The following CTNNA2 variants were observed in gnomAD, a reference collection of about 807,000 sequenced individuals.
CTNNA2 encodes catenin alpha 2.
In CTNNA2, 42 loss-of-function variants were observed where a neutral mutation model predicts 101.0. The observed-to-expected ratio is 0.42, with a 90% CI of 0.32 to 0.54. The LOEUF (loss-of-function observed/expected upper bound fraction) is 0.54. Among genes scored for constraint, CTNNA2 ranks in the 20% least tolerant of loss-of-function variants. CTNNA2 has a pLI of 0.14. For missense variants in CTNNA2, 871 were observed against 1,223.1 expected, an observed-to-expected ratio of 0.71 and a Z score of 4.29; for synonymous variants, 450 against 456.4, an observed-to-expected ratio of 0.99 and a Z score of 0.18.
chr2:80,146,714 T>TTTG (rs1558851255), intron 7 of CTNNA2, among the ~76,000 whole-genome samples: 3 of 70,320 alleles, frequency 4.3e-5, no homozygotes, highest in Non-Finnish European at 7.4e-5. Context: ...CCTCTGGTTT[T>TTTG]TTTTTTTTTT....
intron 4 of CTNNA2, among the ~76,000 whole-genome samples, chr2:79,503,235 G>T (rs1245168880): frequency 6.6e-6 from 1 of 152,098 alleles, no homozygotes; most frequent in Non-Finnish European, 1.5e-5. Flanking sequence ...AGGCACAAGG[G>T]AAAATGGTTG....
intron 3 of CTNNA2, among the ~76,000 whole-genome samples, chr2:79,818,205 T>C (rs1286860708): frequency 6.6e-6 from 1 of 152,194 alleles, no homozygotes; most frequent in Non-Finnish European, 1.5e-5. Context: ...TTGTTCACTT[T>C]CATATTATTC....
At chr2:80,331,662 C>T (rs1469305641) in intron 7 of CTNNA2, among the ~76,000 whole-genome samples, 11 of 152,138 alleles carry the variant, frequency 7.2e-5, no homozygotes, top group Admixed American at 7.2e-4. Flanking sequence ...TATTCCCGAG[C>T]AATGATGACC....
chr2:79,518,933 A>G (rs1055908321), intron 1 of CTNNA2, among the ~76,000 whole-genome samples: 2 of 152,068 alleles, frequency 1.3e-5, no homozygotes, highest in Non-Finnish European at 2.9e-5. Flanking sequence ...ACAAGACTCA[A>G]ATTTCCTGGG....
chr2:80,150,742 C>G (rs1703647423), intron 7 of CTNNA2, among the ~76,000 whole-genome samples: 1 of 152,248 alleles, frequency 6.6e-6, no homozygotes. Flanking sequence ...CAGAAGTATG[C>G]AATGCTAGAA....
At chr2:79,793,855 A>G (rs1245259698) in intron 3 of CTNNA2, among the ~76,000 whole-genome samples, 1 of 149,608 alleles carries the variant, frequency 6.7e-6, no homozygotes, top group African/African-American at 2.5e-5. Context: ...TCTTTTTCCA[A>G]CTTTCCCCAA....
chr2:79,715,483 G>C (rs1686031377), intron 2 of CTNNA2, among the ~76,000 whole-genome samples: 1 of 152,098 alleles, frequency 6.6e-6, no homozygotes, highest in South Asian at 2.1e-4. Flanking sequence ...TCAGATTTAA[G>C]ATGACAAAAG....
At chr2:79,538,529 G>T (rs1673211520) in intron 1 of CTNNA2, among the ~76,000 whole-genome samples, 1 of 152,184 alleles carries the variant, frequency 6.6e-6, no homozygotes, top group Non-Finnish European at 1.5e-5. Flanking sequence ...TGGATGGGGT[G>T]AATGGGGAAA....
At chr2:79,454,041 C>T (rs1353346875) in intron 4 of CTNNA2, among the ~76,000 whole-genome samples, 2 of 152,088 alleles carry the variant, frequency 1.3e-5, no homozygotes, top group African/African-American at 4.8e-5. Context: ...GCACAGGGGT[C>T]TGTCAAGTTA....
intron 4 of CTNNA2, among the ~76,000 whole-genome samples, chr2:79,430,544 A>G (rs1280483691): frequency 6.6e-6 from 1 of 152,204 alleles, no homozygotes; most frequent in Non-Finnish European, 1.5e-5. Flanking sequence ...AACATTTACC[A>G]TTAGAAATCC....
intron 4 of CTNNA2, among the ~76,000 whole-genome samples, chr2:79,501,521 T>A (rs1006145645): frequency 3.9e-5 from 6 of 152,210 alleles, no homozygotes; most frequent in African/African-American, 1.2e-4. Flanking sequence ...ATAGTGATGA[T>A]GACTACTAAA....
At chr2:79,445,991 T>A (rs943128395) in intron 4 of CTNNA2, among the ~76,000 whole-genome samples, 1 of 152,108 alleles carries the variant, frequency 6.6e-6, no homozygotes, top group Middle Eastern at 3.2e-3. Flanking sequence ...AGTCCCGACA[T>A]ATGTCATTTA....
intron 9 of CTNNA2, among the ~76,000 whole-genome samples, chr2:80,508,083 G>A (rs1688413123): frequency 6.6e-6 from 1 of 152,138 alleles, no homozygotes; most frequent in South Asian, 2.1e-4. Context: ...ATTAAATTGG[G>A]TTGGCACTAG....
intron 18 of CTNNA2, among the ~76,000 whole-genome samples, chr2:80,631,952 T>C (rs1672338784): frequency 6.6e-6 from 1 of 152,122 alleles, no homozygotes; most frequent in African/African-American, 2.4e-5. Context: ...GGAGGGTCAA[T>C]ATGTTTTGAA....
chr2:80,363,827 C>G (rs1674651003), intron 7 of CTNNA2, among the ~76,000 whole-genome samples: 1 of 152,130 alleles, frequency 6.6e-6, no homozygotes, highest in African/African-American at 2.4e-5. Context: ...AACCCAATAG[C>G]AAAACGGAAT....
chr2:79,836,303 A>G (rs1679361139), intron 3 of CTNNA2, among the ~76,000 whole-genome samples: 1 of 152,202 alleles, frequency 6.6e-6, no homozygotes, highest in Admixed American at 6.5e-5. Flanking sequence ...AGATGACTAA[A>G]CTTTTACTTT....
chr2:79,825,396 G>A (rs1233796666), intron 3 of CTNNA2, among the ~76,000 whole-genome samples: 2 of 152,106 alleles, frequency 1.3e-5, no homozygotes, highest in Non-Finnish European at 2.9e-5. Context: ...TGAGATAAGC[G>A]ATGGTTCAAA....
intron 7 of CTNNA2, among the ~76,000 whole-genome samples, chr2:79,989,971 G>A (rs146241457): frequency 2.6e-3 from 393 of 152,278 alleles, no homozygotes; most frequent in Non-Finnish European, 3.6e-3. Flanking sequence ...CATACCCCTA[G>A]CAGCTGATGT....
chr2:79,561,979 T>A (rs1213669214), intron 1 of CTNNA2, among the ~76,000 whole-genome samples: 1 of 152,024 alleles, frequency 6.6e-6, no homozygotes, highest in African/African-American at 2.4e-5. Flanking sequence ...CAAATGTATT[T>A]GTTTTTATTT....
Sources: allele counts gnomAD v4.1 joint callset (sites outside exome capture counted in the v4.1 genomes callset), GRCh38; gene constraint gnomAD v4.1.1; transcripts MANE v1.5; gene names NCBI Gene and HGNC (gene_info 2026-07-23, HGNC 2026-07-21).